Variants in RBFOX1 observed in about 807,000 individuals in gnomAD.
RBFOX1 encodes the protein RNA binding fox-1 homolog 1.
In RBFOX1, 8 loss-of-function variants were observed where a neutral mutation model predicts 57.7. The observed-to-expected ratio is 0.14, with a 90% confidence interval of 0.08 to 0.25. The LOEUF is 0.25. Among genes scored for constraint, RBFOX1 ranks in the 10% least tolerant of loss-of-function variants. The pLI, the probability that RBFOX1 is intolerant of heterozygous loss-of-function variation, is 1.00. For missense variants in RBFOX1, 611 were observed against 548.5 expected (o/e 1.11, Z -1.14); for synonymous variants, 326 against 222.4 (o/e 1.47, Z -4.15).
chr16:7,006,279 C>T (rs1404598264), intron 3 of RBFOX1, among the ~76,000 whole-genome samples: 1 of 151,994 alleles, frequency 6.6e-6, no homozygotes, highest in East Asian at 1.9e-4. Flanking sequence ...CTCAGCCTCT[C>T]GAGTAGCTGG....
intron 3 of RBFOX1, among the ~76,000 whole-genome samples, chr16:6,854,212 T>C (rs2057374174): frequency 6.6e-6 from 1 of 152,178 alleles, no homozygotes; most frequent in East Asian, 1.9e-4. Context: ...CTTGCATTCA[T>C]CTTCACTGAG....
chr16:5,862,720 A>G (rs1476392419), intron 3 of RBFOX1, among the ~76,000 whole-genome samples: 1 of 152,158 alleles, frequency 6.6e-6, no homozygotes, highest in Non-Finnish European at 1.5e-5. Context: ...ATGAGCTGAT[A>G]AATTCCTTCC....
chr16:6,767,832 T>C (rs1185730309), intron 3 of RBFOX1, among the ~76,000 whole-genome samples: 1 of 151,608 alleles, frequency 6.6e-6, no homozygotes, highest in African/African-American at 2.4e-5. Context: ...GAGAATCGCT[T>C]GAACCCGGGA....
intron 4 of RBFOX1, among the ~76,000 whole-genome samples, chr16:5,974,344 C>G (rs949534706): frequency 1.3e-5 from 2 of 152,176 alleles, no homozygotes; most frequent in Admixed American, 6.5e-5. Context: ...CACGGTGGCT[C>G]ACACCTGTAA....
intron 10 of RBFOX1, among the ~76,000 whole-genome samples, chr16:7,610,285 C>A (rs1320585629): frequency 6.6e-6 from 1 of 151,552 alleles, no homozygotes; most frequent in African/African-American, 2.4e-5. Context: ...ATGCCCGGAT[C>A]ATTTTTGTAT....
At chr16:5,944,235 C>T (rs1041970641) in intron 4 of RBFOX1, among the ~76,000 whole-genome samples, 21 of 152,310 alleles carry the variant, frequency 1.4e-4, no homozygotes, top group African/African-American at 4.8e-4. Flanking sequence ...GATACATGGG[C>T]TACACTCCTT....
At chr16:6,658,208 A>G (rs1420672664) in intron 3 of RBFOX1, among the ~76,000 whole-genome samples, 4 of 151,936 alleles carry the variant, frequency 2.6e-5, no homozygotes, top group African/African-American at 4.8e-5. Context: ...GATAGAAGAT[A>G]AACTGTGAAT....
In RBFOX1 at chr16:6,370,858, A is replaced by G. The variant is rs912771046; in HGVS notation, c.-64+53801A>G. On this transcript the variant is annotated intron_variant, in intron 2 of 15. Coordinates refer to ENST00000550418, the MANE Select transcript of RBFOX1 (RefSeq NM_018723.4). The stretch of plus-strand genomic sequence containing the variant: ...TTTATGTAATGTATATTTTGCTACA[A>G]TTTTTTACAAGAGAGTGGGTCCTCA... 3.9e-5 allele frequency among the ~76,000 whole-genome samples: 6 copies of G among 152,194 alleles called. No individual in the cohort carries two copies. The South Asian group carries it at 1.0e-3, about 26-fold the overall frequency.
chr16:6,867,517 G>A (rs897583796), intron 3 of RBFOX1, among the ~76,000 whole-genome samples: 8 of 152,060 alleles, frequency 5.3e-5, no homozygotes, highest in South Asian at 2.1e-4. Flanking sequence ...TCAGGAGTTC[G>A]AGATCAGCCT....
At chr16:5,516,660 T>A (rs1362117294) in intron 2 of RBFOX1, among the ~76,000 whole-genome samples, 2 of 152,338 alleles carry the variant, frequency 1.3e-5, no homozygotes, top group African/African-American at 4.8e-5. Flanking sequence ...AGTTATAGTT[T>A]CCATAATCCC....
At chr16:7,541,187 G>C (rs1460815858) in intron 5 of RBFOX1, among the ~76,000 whole-genome samples, 4 of 152,180 alleles carry the variant, frequency 2.6e-5, no homozygotes, top group Non-Finnish European at 5.9e-5. Flanking sequence ...CATATTTAAG[G>C]ACAAGCACAA....
intron 4 of RBFOX1, among the ~76,000 whole-genome samples, chr16:7,351,944 C>T (rs1335960776): frequency 6.6e-6 from 1 of 152,154 alleles, no homozygotes; most frequent in Non-Finnish European, 1.5e-5. Context: ...TGACCCTCAC[C>T]AGGGACTTTG....
At chr16:6,756,162 A>G (rs1272549738) in intron 3 of RBFOX1, among the ~76,000 whole-genome samples, 1 of 152,192 alleles carries the variant, frequency 6.6e-6, no homozygotes, top group Non-Finnish European at 1.5e-5. Flanking sequence ...TTTAAAAAAT[A>G]TATACTGTAG....
chr16:6,623,071 G>T (rs1449016554), intron 2 of RBFOX1, among the ~76,000 whole-genome samples: 1 of 152,188 alleles, frequency 6.6e-6, no homozygotes, highest in Non-Finnish European at 1.5e-5. Flanking sequence ...GACATATATT[G>T]CAAATTACCT....
chr16:6,422,250 ACTTT>A (rs1403819701), intron 2 of RBFOX1, among the ~76,000 whole-genome samples: 1 of 148,208 alleles, frequency 6.7e-6, no homozygotes, highest in Non-Finnish European at 1.5e-5. Flanking sequence ...TTTTAACTCA[ACTTT>A]CTTTAGATTC....
chr16:7,216,594 G>A (rs1274287394), intron 4 of RBFOX1, among the ~76,000 whole-genome samples: 1 of 152,112 alleles, frequency 6.6e-6, no homozygotes, highest in Admixed American at 6.6e-5. Flanking sequence ...GGAGGTAGAG[G>A]TTGCAGTGAG....
chr16:5,705,818 T>C (rs1412788594), intron 3 of RBFOX1, among the ~76,000 whole-genome samples: 1 of 152,238 alleles, frequency 6.6e-6, no homozygotes, highest in Non-Finnish European at 1.5e-5. Context: ...CTTTGCTTAT[T>C]ATCATATCCG....
intron 4 of RBFOX1, among the ~76,000 whole-genome samples, chr16:7,148,149 T>C (rs2071932889): frequency 6.6e-6 from 1 of 152,200 alleles, no homozygotes; most frequent in African/African-American, 2.4e-5. Context: ...CAAAAAATGC[T>C]GTTCTCAGGG....
intron 2 of RBFOX1, chr16:6,483,035 G>A (rs2095397445): frequency 3.0e-6 from 2 of 670,380 alleles, no homozygotes; most frequent in Admixed American, 6.3e-5. Context: ...GGCGAGAGAG[G>A]GCGAGCGGCG....
Sources: gnomAD v4.1 joint callset for allele counts (sites outside exome capture counted in the v4.1 genomes callset) on GRCh38, gnomAD v4.1.1 for gene constraint, MANE v1.5 for transcripts, NCBI Gene and HGNC (gene_info 2026-07-23, HGNC 2026-07-21) for gene names.